Variants in SFTPD observed in about 807,000 individuals in gnomAD.
SFTPD encodes the protein surfactant protein D.
A neutral mutation model predicts 34.6 loss-of-function variants in SFTPD; 18 were observed. That is an observed-to-expected ratio of 0.52 (90% CI 0.36 to 0.77). SFTPD has a LOEUF of 0.77. Among genes scored for constraint, SFTPD ranks in the 30% least tolerant of loss-of-function variants. The pLI, the probability that SFTPD is intolerant of heterozygous loss-of-function variation, is 0.00. For missense variants in SFTPD, 433 were observed against 468.9 expected, an observed-to-expected ratio of 0.92 and a Z score of 0.71; for synonymous variants, 155 against 180.9, an observed-to-expected ratio of 0.86 and a Z score of 1.15.
intron 1 of SFTPD, among the ~76,000 whole-genome samples, chr10:79,979,469 C>G (rs1455983966): frequency 5.3e-5 from 8 of 152,196 alleles, no homozygotes; most frequent in African/African-American, 1.9e-4. Flanking sequence ...CTGGCAGCAT[C>G]AAGTGGTATG....
At chr10:79,979,247 G>A (rs1205704698) in intron 1 of SFTPD, among the ~76,000 whole-genome samples, 1 of 152,138 alleles carries the variant, frequency 6.6e-6, no homozygotes, top group Admixed American at 6.5e-5. Context: ...ATTGAATCAG[G>A]AAGCAGAGCA....
intron 1 of SFTPD, among the ~76,000 whole-genome samples, chr10:79,979,596 G>C (rs371936612): frequency 6.6e-6 from 1 of 152,242 alleles, no homozygotes; most frequent in South Asian, 2.1e-4. Context: ...CACAGAGGAA[G>C]CATTTAGACC....
At chr10:79,975,326 G>T (rs566496126) in intron 1 of SFTPD, among the ~76,000 whole-genome samples, 1 of 152,156 alleles carries the variant, frequency 6.6e-6, no homozygotes, top group African/African-American at 2.4e-5. Context: ...AAACTGCTCT[G>T]TAACCTCTTC....
chr10:79,954,857 C>T (rs946908011), intron 1 of SFTPD, among the ~76,000 whole-genome samples: 2 of 152,124 alleles, frequency 1.3e-5, no homozygotes, highest in African/African-American at 2.4e-5. Flanking sequence ...GTCTAAAACC[C>T]CTGGTGGCCT....
At chr10:79,978,362 T>G (rs1296347682) in intron 1 of SFTPD, among the ~76,000 whole-genome samples, 1 of 152,160 alleles carries the variant, frequency 6.6e-6, no homozygotes, top group African/African-American at 2.4e-5. Context: ...CACAACAAAT[T>G]AGGCATATGC....
chr10:79,941,993 G>A lies in SFTPD; in HGVS notation c.511C>T (p.Pro171Ser), dbSNP rs2132494547. ...TTTCCAGGGACTCCACGCTCACCAG[G>A]GACACCTCGCTCTCCCTTAGGGCCT... is the stretch of plus-strand genomic sequence containing the variant. ...LAGPKGERGV[P>S]GERGVPGNTG... Residue 171 changes from proline (P) to serine (S), a missense_variant, in exon 5 of 8, where the codon CCT becomes TCT. Coordinates refer to ENST00000372292, the MANE Select transcript of SFTPD (RefSeq NM_003019.5). 3 of 1,613,900 alleles carry A rather than the reference G, an allele frequency of 1.9e-6. No homozygotes were observed. Among genetic ancestry groups the A allele is most frequent in the East Asian group, 2.2e-5 (1 of 44,870 alleles).
intron 1 of SFTPD, among the ~76,000 whole-genome samples, chr10:79,947,193 G>A (rs1842674456): frequency 6.6e-6 from 1 of 152,276 alleles, no homozygotes; most frequent in African/African-American, 2.4e-5. Flanking sequence ...AGAGTCCTGA[G>A]TGCTTAGTAA....
intron 1 of SFTPD, among the ~76,000 whole-genome samples, chr10:79,967,836 G>A (rs61207456): frequency 0.077 from 11,613 of 151,550 alleles, 864 homozygotes; most frequent in East Asian, 0.39. Flanking sequence ...CCTTCTCCTG[G>A]CTCAGAAGCT....
chr10:79,951,126 A>T (rs1367111935), upstream of SFTPD: 1 of 151,904 alleles, frequency 6.6e-6, no homozygotes, highest in Non-Finnish European at 1.5e-5. Flanking sequence ...TTAGTTTTCA[A>T]CTTTCTCTTG....
intron 1 of SFTPD, among the ~76,000 whole-genome samples, chr10:79,976,556 G>T (rs77043863): frequency 0.049 from 7,426 of 151,996 alleles, 239 homozygotes; most frequent in East Asian, 0.15. Context: ...AGTCCAGGCT[G>T]GAAAAAAAGG....
At position 79,938,248 on chromosome 10, in the gene SFTPD, A is replaced by G. The variant is rs756141603; in HGVS notation, c.752-20T>C. 2 of 1,529,746 alleles carry G rather than the reference A, an allele frequency of 1.3e-6. No homozygotes were observed. The highest frequency in any genetic ancestry group is 1.2e-5 in the South Asian group (1 of 86,520). The allele number at this position is 1,529,746 out of a possible 1,614,324, so 94.8% of individuals were successfully genotyped here. Reference sequence around the variant, plus strand: ...GCTCAACTAGGAGAAGAAGAAAGTCAGGTTGGGGTTGTGGCATCACCTGGC... The same window carrying G: ...GCTCAACTAGGAGAAGAAGAAAGTCGGGTTGGGGTTGTGGCATCACCTGGC... On this transcript the variant is annotated intron_variant, in intron 7 of 7. Coordinates refer to ENST00000372292, the MANE Select transcript of SFTPD (RefSeq NM_003019.5).
chr10:79,979,031 C>T (rs1023154134), intron 1 of SFTPD, among the ~76,000 whole-genome samples: 13 of 151,946 alleles, frequency 8.6e-5, no homozygotes, highest in Non-Finnish European at 1.0e-4. Flanking sequence ...GTGCAAAAAT[C>T]GGTTGCAATT....
chr10:79,958,867 A>C (rs1177651976), intron 1 of SFTPD, among the ~76,000 whole-genome samples: 1 of 152,094 alleles, frequency 6.6e-6, no homozygotes, highest in Non-Finnish European at 1.5e-5. Context: ...CACCACACCT[A>C]TTCCAAAATT....
chr10:79,981,188 C>T (rs1310972911), intron 1 of SFTPD, among the ~76,000 whole-genome samples: 1 of 151,984 alleles, frequency 6.6e-6, no homozygotes, highest in Non-Finnish European at 1.5e-5. Context: ...AATTGACACA[C>T]TGAAGAATGC....
At chr10:79,978,321 A>C (rs975139259) in intron 1 of SFTPD, among the ~76,000 whole-genome samples, 6 of 152,216 alleles carry the variant, frequency 3.9e-5, no homozygotes, top group African/African-American at 1.4e-4. Flanking sequence ...AAAATTAAAC[A>C]TTCTTTCATC....
At chr10:79,975,594 G>A (rs989696753) in intron 1 of SFTPD, among the ~76,000 whole-genome samples, 2 of 152,110 alleles carry the variant, frequency 1.3e-5, no homozygotes, top group African/African-American at 2.4e-5. Flanking sequence ...CAGCTCAGTC[G>A]GGGAGACCCT....
At chr10:79,974,181 T>C (rs903567274) in intron 1 of SFTPD, among the ~76,000 whole-genome samples, 1 of 152,168 alleles carries the variant, frequency 6.6e-6, no homozygotes, top group Admixed American at 6.5e-5. Context: ...ATTTATTTTT[T>C]TTCTGAGACA....
intron 1 of SFTPD, among the ~76,000 whole-genome samples, chr10:79,964,578 T>C (rs533657154): frequency 3.9e-5 from 6 of 152,218 alleles, no homozygotes; most frequent in African/African-American, 7.2e-5. Context: ...TTCTATTCTG[T>C]TGTCATTTCA....
At chr10:79,942,992 C>T in intron 2 of SFTPD, 113 bp from the exon 3 acceptor site, 1 of 680,006 alleles carries the variant, frequency 1.5e-6, no homozygotes, top group South Asian at 1.7e-5. Flanking sequence ...ATGAGACTTC[C>T]ACCGTCACAC....
Sources: allele counts gnomAD v4.1 joint callset (sites outside exome capture counted in the v4.1 genomes callset), GRCh38; gene constraint gnomAD v4.1.1; transcripts MANE v1.5; gene names NCBI Gene and HGNC (gene_info 2026-07-23, HGNC 2026-07-21).